MIPEP: variants seen among roughly 807,000 people sequenced by gnomAD.
The protein encoded by MIPEP is mitochondrial intermediate peptidase.
MIPEP carries 79 observed loss-of-function variants against 90.3 expected under a neutral mutation model. The observed-to-expected ratio is 0.87, with a 90% CI of 0.73 to 1.05. The LOEUF is 1.05. Ranked by LOEUF, MIPEP falls within the 50% of genes least tolerant of loss-of-function variation. The pLI is 0.00. For missense variants in MIPEP, 940 were observed against 905.6 expected (o/e 1.04, Z -0.49); for synonymous variants, 334 against 315.8 (o/e 1.06, Z -0.61).
chr13:23,790,243 A>G (rs1217330404), intron 16 of MIPEP, among the ~76,000 whole-genome samples: 1 of 152,150 alleles, frequency 6.6e-6, no homozygotes, highest in Admixed American at 6.5e-5. Flanking sequence ...TACTGCAGTC[A>G]CTAGCAGAAG....
chr13:23,787,914 T>C (rs7322970), intron 16 of MIPEP, among the ~76,000 whole-genome samples: 145,282 of 152,236 alleles, frequency 0.95, 69,720 homozygotes, highest in East Asian at 1. Context: ...GCTGCACTCT[T>C]CAGGTAAAAA....
rs535948158 is a variant in MIPEP, at chr13:23,875,138, A to G, written c.540-229T>C. ...AGGCAAAACACCTATCTGACTGACA[A>G]TTATGATTGGCTTGTCATGTAAGAG... On this transcript the variant is annotated intron_variant, in intron 4 of 18. Coordinates refer to ENST00000382172, the MANE Select transcript of MIPEP (RefSeq NM_005932.4). Among the ~76,000 whole-genome samples, 14 of 151,884 alleles carry G rather than the reference A, an allele frequency of 9.2e-5. No homozygotes were observed. In the South Asian group the frequency reaches 2.9e-3, roughly 32 times the overall value.
chr13:23,855,601 T>C (rs1566018818), intron 10 of MIPEP, among the ~76,000 whole-genome samples: 1 of 152,210 alleles, frequency 6.6e-6, no homozygotes, highest in East Asian at 1.9e-4. Context: ...ACCTATGATA[T>C]TTTTCCTTTC....
chr13:23,750,929 G>T (rs537031345), intron 18 of MIPEP, among the ~76,000 whole-genome samples: 10 of 152,276 alleles, frequency 6.6e-5, no homozygotes, highest in African/African-American at 2.4e-4. Flanking sequence ...ATCACTGTGT[G>T]TGTTTCTGGG....
intron 14 of MIPEP, among the ~76,000 whole-genome samples, chr13:23,822,011 T>C (rs1953311895): frequency 6.6e-6 from 1 of 152,114 alleles, no homozygotes; most frequent in African/African-American, 2.4e-5. Context: ...GATAAAGCAA[T>C]AAAGGAATTT....
At chr13:23,859,039 C>A (rs1006052280) in intron 9 of MIPEP, 127 bp from the exon 10 acceptor site, 2 of 763,350 alleles carry the variant, frequency 2.6e-6, no homozygotes, top group Non-Finnish European at 4.4e-6. Context: ...TTTATAGAAT[C>A]CCTTAAAAAA....
chr13:23,749,550 A>G (rs1323563248), intron 18 of MIPEP, among the ~76,000 whole-genome samples: 1 of 152,202 alleles, frequency 6.6e-6, no homozygotes, highest in Non-Finnish European at 1.5e-5. Context: ...ATGGGCAAAG[A>G]GCTTTCTCCA....
chr13:23,822,108 CAAA>C (rs1953313337), intron 14 of MIPEP, among the ~76,000 whole-genome samples: 2 of 152,182 alleles, frequency 1.3e-5, no homozygotes, highest in South Asian at 4.1e-4. Flanking sequence ...AGTGGTATTT[CAAA>C]AGCAGAGATC....
intron 18 of MIPEP, among the ~76,000 whole-genome samples, chr13:23,736,956 G>T (rs1014186371): frequency 6.6e-6 from 1 of 152,164 alleles, no homozygotes; most frequent in Non-Finnish European, 1.5e-5. Flanking sequence ...CTCTTAAAGC[G>T]CTATGATATA....
At chr13:23,829,525 A>C (rs9507167) in intron 14 of MIPEP, among the ~76,000 whole-genome samples, 94,115 of 152,054 alleles carry the variant, frequency 0.62, 30,348 homozygotes, top group East Asian at 0.78. Flanking sequence ...AACTGAGACA[A>C]GACATATGCC....
chr13:23,771,282 T>C (rs1952647683), intron 16 of MIPEP, among the ~76,000 whole-genome samples: 1 of 152,320 alleles, frequency 6.6e-6, no homozygotes, highest in Admixed American at 6.5e-5. Flanking sequence ...TGTCAGCTGC[T>C]AACAGAATCC....
chr13:23,813,682 G>A (rs981546002), intron 14 of MIPEP, among the ~76,000 whole-genome samples: 3 of 151,694 alleles, frequency 2.0e-5, no homozygotes, highest in Admixed American at 6.6e-5. Context: ...CTGCATCCTC[G>A]AACTCCTGGG....
chr13:23,734,924 C>T (rs1263173257), intron 18 of MIPEP, among the ~76,000 whole-genome samples: 1 of 152,140 alleles, frequency 6.6e-6, no homozygotes, highest in Non-Finnish European at 1.5e-5. Context: ...TTGTAAAGCT[C>T]CAGCTCTTAA....
intron 16 of MIPEP, among the ~76,000 whole-genome samples, chr13:23,781,581 C>T (rs1487251390): frequency 6.6e-6 from 1 of 152,190 alleles, no homozygotes; most frequent in African/African-American, 2.4e-5. Flanking sequence ...ATCATAATGA[C>T]AGGATCAAAT....
intron 10 of MIPEP, among the ~76,000 whole-genome samples, chr13:23,857,638 T>C (rs1369605861): frequency 6.6e-6 from 1 of 152,122 alleles, no homozygotes; most frequent in Non-Finnish European, 1.5e-5. Flanking sequence ...TAACTAAAGG[T>C]TAGGACACAA....
intron 16 of MIPEP, among the ~76,000 whole-genome samples, chr13:23,765,200 G>A (rs76770823): frequency 2.2e-4 from 33 of 152,186 alleles, no homozygotes; most frequent in Admixed American, 8.5e-4. Flanking sequence ...CTCGGGGGGT[G>A]GGTCCTAGAA....
At chr13:23,756,981 T>C (rs111524599) in intron 17 of MIPEP, among the ~76,000 whole-genome samples, 5,281 of 152,088 alleles carry the variant, frequency 0.035, 141 homozygotes, top group Non-Finnish European at 0.054. Context: ...CAGACGAGGG[T>C]TGATGGGGGA....
At chr13:23,770,623 C>T (rs1952638212) in intron 16 of MIPEP, among the ~76,000 whole-genome samples, 2 of 152,076 alleles carry the variant, frequency 1.3e-5, no homozygotes, top group Admixed American at 1.3e-4. Flanking sequence ...CAGGTGCTCT[C>T]TGGTGTGGCT....
At chr13:23,750,779 A>G (rs1952433506) in intron 18 of MIPEP, among the ~76,000 whole-genome samples, 1 of 152,176 alleles carries the variant, frequency 6.6e-6, no homozygotes, top group African/African-American at 2.4e-5. Context: ...AATCATTTAT[A>G]TCAATATGGA....
Sources: gnomAD v4.1 joint callset for allele counts (sites outside exome capture counted in the v4.1 genomes callset) on GRCh38, gnomAD v4.1.1 for gene constraint, MANE v1.5 for transcripts, NCBI Gene and HGNC (gene_info 2026-07-23, HGNC 2026-07-21) for gene names.